STK32B: variants seen among roughly 807,000 people sequenced by gnomAD.
STK32B encodes serine/threonine-protein kinase 32B.
STK32B carries 43 observed loss-of-function variants against 52.6 expected under a neutral mutation model. That is an observed-to-expected ratio of 0.82 (90% CI 0.64 to 1.05). STK32B has a LOEUF of 1.05. STK32B is among the 50% of genes least tolerant of loss of function. STK32B has a pLI of 0.00. For synonymous variants in STK32B, 238 were observed against 204.3 expected (o/e 1.17, Z -1.41); for missense variants, 621 against 534.6 (o/e 1.16, Z -1.59).
chr4:5,122,735 G>T (rs1715135448), intron 1 of STK32B, among the ~76,000 whole-genome samples: 1 of 152,158 alleles, frequency 6.6e-6, no homozygotes, highest in African/African-American at 2.4e-5. Flanking sequence ...GACTTACTGT[G>T]TGCAGGTCCT....
chr4:5,411,262 C>G (rs1711643486), intron 5 of STK32B, among the ~76,000 whole-genome samples: 1 of 152,054 alleles, frequency 6.6e-6, no homozygotes. Flanking sequence ...GTCTCAATCT[C>G]CTGACCTCGT....
At chr4:5,355,841 A>G (rs1043228308) in intron 4 of STK32B, among the ~76,000 whole-genome samples, 20 of 152,132 alleles carry the variant, frequency 1.3e-4, no homozygotes, top group African/African-American at 4.6e-4. Context: ...GAGGAACACA[A>G]TCCTACAGAA....
At chr4:5,059,530 A>T (rs571077748) in intron 1 of STK32B, among the ~76,000 whole-genome samples, 1 of 152,312 alleles carries the variant, frequency 6.6e-6, no homozygotes, top group Non-Finnish European at 1.5e-5. Flanking sequence ...TTAAATGTTA[A>T]ATCAACTTTT....
At chr4:5,264,155 T>C (rs904893744) in intron 3 of STK32B, among the ~76,000 whole-genome samples, 2 of 152,212 alleles carry the variant, frequency 1.3e-5, no homozygotes, top group Non-Finnish European at 2.9e-5. Context: ...ACATATACTT[T>C]CATTTCTCTT....
chr4:5,244,823 T>TAA (rs1473875604), intron 3 of STK32B, among the ~76,000 whole-genome samples: 9 of 152,380 alleles, frequency 5.9e-5, no homozygotes, highest in African/African-American at 2.2e-4. Flanking sequence ...TCTGCCTTCA[T>TAA]TTCATTATGT....
intron 4 of STK32B, among the ~76,000 whole-genome samples, chr4:5,337,242 G>C (rs1732771745): frequency 6.6e-6 from 1 of 151,904 alleles, no homozygotes; most frequent in Non-Finnish European, 1.5e-5. Flanking sequence ...ACCCACCTTG[G>C]CCTCTTAAAG....
intron 7 of STK32B, among the ~76,000 whole-genome samples, chr4:5,448,515 A>G (rs556754976): frequency 6.6e-6 from 1 of 152,388 alleles, no homozygotes; most frequent in Non-Finnish European, 1.5e-5. Flanking sequence ...TCCTGCCAAC[A>G]GAAAAGATAT....
chr4:5,110,688 G>C (rs1193710300), intron 1 of STK32B, among the ~76,000 whole-genome samples: 1 of 151,986 alleles, frequency 6.6e-6, no homozygotes. Context: ...TGCTCTTCTG[G>C]ACATCAGCCT....
intron 11 of STK32B, among the ~76,000 whole-genome samples, chr4:5,493,519 C>CA (rs1560461181): frequency 6.6e-6 from 1 of 152,092 alleles, no homozygotes; most frequent in Non-Finnish European, 1.5e-5. Flanking sequence ...TTGATCCTTT[C>CA]AAAAAACCAG....
chr4:5,048,206 C>T (rs749092955), upstream of STK32B, among the ~76,000 whole-genome samples: 8 of 151,584 alleles, frequency 5.3e-5, no homozygotes, highest in South Asian at 4.2e-4. Context: ...CTTGGCTCAC[C>T]GCAACCTCCA....
chr4:5,245,661 C>G (rs1002961620), intron 3 of STK32B, among the ~76,000 whole-genome samples: 1 of 152,156 alleles, frequency 6.6e-6, no homozygotes, highest in Non-Finnish European at 1.5e-5. Flanking sequence ...CAGTTTCTTC[C>G]TAGCCTCGAT....
rs58022709 is a variant in STK32B, at chr4:5,230,208, T to TTTTTTTTTTG, written c.260+61759_260+61760insTTTTTTTTGT. Among the ~76,000 whole-genome samples, 73 of 103,482 alleles carry TTTTTTTTTTG rather than the reference T, an allele frequency of 7.1e-4. 2 individuals carry two copies. The highest frequency in any genetic ancestry group is 1.3e-3 in the Admixed American group (11 of 8,232). The allele number at this position is 103,482 out of a possible 152,430, so 67.9% of individuals were successfully genotyped here. ...TTTTTTTTTTTTTTTTTTTTTTTTTTTAGTGGAGTCTTGCACCGTCGCCCA... is the reference window on the plus strand; with the variant it reads ...TTTTTTTTTTTTTTTTTTTTTTTTTTTTTTTTTTTGTAGTGGAGTCTTGCACCGTCGCCCA... On this transcript the variant is annotated intron_variant, in intron 3 of 11. Coordinates refer to ENST00000282908, the MANE Select transcript of STK32B (RefSeq NM_018401.3).
chr4:5,104,908 T>C (rs928406295), intron 1 of STK32B, among the ~76,000 whole-genome samples: 2 of 152,280 alleles, frequency 1.3e-5, no homozygotes, highest in African/African-American at 4.8e-5. Flanking sequence ...TATATTTTTC[T>C]ATTCTGCTCT....
At chr4:5,252,738 G>A (rs138841584) in intron 3 of STK32B, among the ~76,000 whole-genome samples, 3 of 152,196 alleles carry the variant, frequency 2.0e-5, no homozygotes, top group Non-Finnish European at 4.4e-5. Context: ...CTTCTAACCT[G>A]CGTGGTCTTA....
chr4:5,159,642 AATGTATATGAAT>A (rs1270460185), intron 2 of STK32B, among the ~76,000 whole-genome samples: 3,378 of 92,082 alleles, frequency 0.037, 581 homozygotes, highest in African/African-American at 0.11. Flanking sequence ...TATATATATG[AATGTATATGAAT>A]ATATATATGA....
At chr4:5,121,287 T>C (rs1715010438) in intron 1 of STK32B, among the ~76,000 whole-genome samples, 1 of 152,242 alleles carries the variant, frequency 6.6e-6, no homozygotes, top group Admixed American at 6.5e-5. Context: ...ACATGGTGTA[T>C]ATATACCACA....
intron 4 of STK32B, among the ~76,000 whole-genome samples, chr4:5,339,019 G>A (rs1346460446): frequency 6.6e-6 from 1 of 152,094 alleles, no homozygotes; most frequent in African/African-American, 2.4e-5. Flanking sequence ...TTCCTCTGAG[G>A]GCCTGAATAG....
intron 2 of STK32B, among the ~76,000 whole-genome samples, chr4:5,143,277 G>C (rs898881214): frequency 6.6e-6 from 1 of 152,198 alleles, no homozygotes; most frequent in Non-Finnish European, 1.5e-5. Flanking sequence ...GAGCCAAAGA[G>C]AAAAGAGTTC....
chr4:5,155,545 G>T (rs2108712328), intron 2 of STK32B, among the ~76,000 whole-genome samples: 1 of 152,230 alleles, frequency 6.6e-6, no homozygotes, highest in Middle Eastern at 3.4e-3. Flanking sequence ...GATATGGTTT[G>T]GCTCTGTGTC....
Sources: gnomAD v4.1 joint callset for allele counts (sites outside exome capture counted in the v4.1 genomes callset) on GRCh38, gnomAD v4.1.1 for gene constraint, MANE v1.5 for transcripts, NCBI Gene and HGNC (gene_info 2026-07-23, HGNC 2026-07-21) for gene names.